INTS2: variants seen among roughly 807,000 people sequenced by gnomAD.
The protein encoded by INTS2 is integrator complex subunit 2, also known as KIAA1287.
INTS2 carries 57 observed loss-of-function variants against 139.6 expected under a neutral mutation model. That is an observed-to-expected ratio of 0.41 (90% CI 0.33 to 0.51). The LOEUF (loss-of-function observed/expected upper bound fraction) is 0.51. Ranked by LOEUF, INTS2 falls within the 20% of genes least tolerant of loss-of-function variation. The probability of loss-of-function intolerance (pLI) is 0.28; values close to 1 mark genes in which losing one functional copy is unlikely to be tolerated. For synonymous variants in INTS2, 473 were observed against 493.4 expected, an observed-to-expected ratio of 0.96 and a Z score of 0.55; for missense variants, 1,196 against 1,436.7, an observed-to-expected ratio of 0.83 and a Z score of 2.71.
In INTS2 at chr17:61,881,205, C is replaced by A. The variant is rs764154484; in HGVS notation, c.2090-34G>T. ...TTTACAGAAAATCAATTGGATTCTT[C>A]ATGCTCAAACACCAGAAGCTTCCCC... On this transcript the variant is annotated intron_variant, in intron 16 of 24. Coordinates refer to ENST00000251334, the MANE Select transcript of INTS2 (RefSeq NM_001351695.2). 6.4e-6 allele frequency: 10 copies of A among 1,551,540 alleles called. No individual in the cohort carries two copies. The South Asian group carries it at 1.2e-4, about 18-fold the overall frequency.
At chr17:61,905,591 G>A (rs1284914862) in intron 8 of INTS2, among the ~76,000 whole-genome samples, 1 of 152,194 alleles carries the variant, frequency 6.6e-6, no homozygotes, top group African/African-American at 2.4e-5. Flanking sequence ...CTCCCAGAGC[G>A]CTCGGATTAT....
Position 61,869,117 on chromosome 17 carries a change from G to C in INTS2, c.3161C>G (p.Ser1054Cys), listed in dbSNP as rs201686183. 7.1e-5 allele frequency: 114 copies of C among 1,609,528 alleles called. No individual in the cohort carries two copies. Among genetic ancestry groups the C allele is most frequent in the Non-Finnish European group, 9.4e-5 (111 of 1,176,418 alleles). The change falls in exon 23 of 25, where the codon TCT becomes TGT. Residue 1054 changes from serine (S) to cysteine (C), a missense_variant. Physicochemically the swap from Ser to Cys is moderately radical, Grantham distance 112 (BLOSUM62 -1). Coordinates refer to ENST00000251334, the MANE Select transcript of INTS2 (RefSeq NM_001351695.2). The surrounding 1 kb of genome is among the most constrained non-coding windows in gnomAD (Gnocchi z 5.4). ...TAATGCATATTGTATACACAAGTGAGAAAGCAACTGGATAGCAAATATCTG... is the reference window on the plus strand; with the variant it reads ...TAATGCATATTGTATACACAAGTGACAAAGCAACTGGATAGCAAATATCTG... Reference protein sequence around the residue: ...EKQIFAIQLLSHLCIQYALPK... With the variant: ...EKQIFAIQLLCHLCIQYALPK...
chr17:61,902,820 T>C (rs920188477), intron 9 of INTS2, among the ~76,000 whole-genome samples: 2 of 144,490 alleles, frequency 1.4e-5, no homozygotes, highest in African/African-American at 2.6e-5. Context: ...CAGTGAGCTA[T>C]GATTGTGCCA....
rs1439744983 is a variant in INTS2, at chr17:61,876,154, CA to C, written c.2457-1117del. 1.3e-5 allele frequency among the ~76,000 whole-genome samples: 2 copies of C among 152,068 alleles called. No homozygotes were observed. Among genetic ancestry groups the C allele is most frequent in the African/African-American group, 4.8e-5 (2 of 41,412 alleles). ...CTGCAGTCCAGCCTGGGTGACAAAG[CA>C]AGACCCTGTATCTAAAAAGTAAAAA... On this transcript the variant is annotated intron_variant, in intron 18 of 24. Transcript: ENST00000251334. The surrounding 1 kb of genome is among the most constrained non-coding windows in gnomAD (Gnocchi z 4.1).
chr17:61,911,464 T>A lies in INTS2; in HGVS notation c.954+56A>T, dbSNP rs560561883. Reference sequence around the variant, plus strand: ...TCATTCAAAAAATGTTTCTTTCTCTTTTAGCAGCTGCTAAAGTATTCTGAT... The same window carrying A: ...TCATTCAAAAAATGTTTCTTTCTCTATTAGCAGCTGCTAAAGTATTCTGAT... On this transcript the variant is annotated intron_variant, in intron 7 of 24. Transcript: ENST00000251334. 2.0e-5 allele frequency: 29 copies of A among 1,454,814 alleles called. No individual in the cohort carries two copies. In the Middle Eastern group the frequency reaches 5.4e-4, roughly 27 times the overall value. The allele number at this position is 1,454,814 out of a possible 1,614,324, so 90.1% of individuals were successfully genotyped here.
rs367949870 is a variant in INTS2 at position 61,897,754 on chromosome 17, C to A, written c.1308-15G>T. ...GTTCAGGTGTACTATATAAAATATACCAGAATGTCACTGGTTTAAATTAGA... is the reference window on the plus strand; with the variant it reads ...GTTCAGGTGTACTATATAAAATATAACAGAATGTCACTGGTTTAAATTAGA... On this transcript the variant is annotated splice_polypyrimidine_tract_variant and intron_variant, in intron 9 of 24. Transcript: ENST00000251334. This position sits in a 1 kb window ranked among gnomAD's most constrained non-coding sequence, Gnocchi z 4.4. 14 of 1,552,602 alleles carry A rather than the reference C, an allele frequency of 9.0e-6. No homozygotes were observed. The African/African-American group carries it at 1.6e-4, about 18-fold the overall frequency.
Position 61,873,754 on chromosome 17 carries a change from T to C in INTS2, c.2582+1159A>G, listed in dbSNP as rs942720380. Among the ~76,000 whole-genome samples, 1 of 152,162 alleles carries C rather than the reference T, an allele frequency of 6.6e-6. No homozygotes were observed. Among genetic ancestry groups the C allele is most frequent in the African/African-American group, 2.4e-5 (1 of 41,450 alleles). ...CATCCCTTGGTTGATGACAGACAAGTTTAAATATCAAGTGTGTCCTATTTA... is the reference window on the plus strand; with the variant it reads ...CATCCCTTGGTTGATGACAGACAAGCTTAAATATCAAGTGTGTCCTATTTA... On this transcript the variant is annotated intron_variant, in intron 19 of 24. Coordinates refer to ENST00000251334, the MANE Select transcript of INTS2 (RefSeq NM_001351695.2). The surrounding 1 kb of genome is among the most constrained non-coding windows in gnomAD (Gnocchi z 4.0).
chr17:61,912,146 G>T, intron 5 of INTS2, 76 bp from the exon 6 acceptor site: 2 of 1,479,190 alleles, frequency 1.4e-6, no homozygotes, highest in Non-Finnish European at 1.8e-6. Context: ...AGAAGAAAAG[G>T]ATCAGGGTAT....
chr17:61,894,930 T>C lies in INTS2; in HGVS notation c.1563+385A>G, dbSNP rs115304636. ...AAGAACATGTTAAGTATAAGAAATTTAGACTCTAGCCTGTAATCTAGTTAG... is the reference window on the plus strand; with the variant it reads ...AAGAACATGTTAAGTATAAGAAATTCAGACTCTAGCCTGTAATCTAGTTAG... On this transcript the variant is annotated intron_variant, in intron 12 of 24. Coordinates refer to ENST00000251334, the MANE Select transcript of INTS2 (RefSeq NM_001351695.2). Among the ~76,000 whole-genome samples the C allele has an allele frequency of 5.2e-3, 797 of 152,286 alleles. 5 individuals are homozygous for C. Among genetic ancestry groups the C allele is most frequent in the African/African-American group, 0.018 (752 of 41,548 alleles).
In INTS2 at chr17:61,897,819, T is replaced by G; in HGVS notation, c.1308-80A>C. 9.9e-7 allele frequency: 1 copy of G among 1,006,542 alleles called. No homozygotes were observed. Among genetic ancestry groups the G allele is most frequent in the Non-Finnish European group, 1.5e-6 (1 of 674,190 alleles). The allele number at this position is 1,006,542 out of a possible 1,614,324, so 62.4% of individuals were successfully genotyped here. On this transcript the variant is annotated intron_variant, in intron 9 of 24. Transcript: ENST00000251334. This position sits in a 1 kb window ranked among gnomAD's most constrained non-coding sequence, Gnocchi z 4.4. ...AATAAAAAGCATTCTGAAGTTATTTTTGGTAGAAATTATTTTTCCTGCCCT... is the reference window on the plus strand; with the variant it reads ...AATAAAAAGCATTCTGAAGTTATTTGTGGTAGAAATTATTTTTCCTGCCCT...
rs373477271 is a variant in INTS2, at chr17:61,896,418, T to A, written c.1495-1035A>T. Among the ~76,000 whole-genome samples the A allele has an allele frequency of 1.1e-4, 17 of 152,200 alleles. No homozygotes were observed. The South Asian group carries it at 3.5e-3, about 32-fold the overall frequency. On this transcript the variant is annotated intron_variant, in intron 11 of 24. Coordinates refer to ENST00000251334, the MANE Select transcript of INTS2 (RefSeq NM_001351695.2). The stretch of plus-strand genomic sequence containing the variant: ...TCACTGATTTAATATTACAGTAGCT[T>A]TTCAAGAAAAAAGTAGGAGTTGGAA...
chr17:61,927,716 G>A lies in INTS2; in HGVS notation c.-81C>T, dbSNP rs1216583383. The A allele has an allele frequency of 1.4e-6, 2 of 1,451,658 alleles. No homozygotes were observed. The highest frequency in any genetic ancestry group is 1.8e-6 in the Non-Finnish European group (2 of 1,104,620). The allele number at this position is 1,451,658 out of a possible 1,614,324, so 89.9% of individuals were successfully genotyped here. The stretch of plus-strand genomic sequence containing the variant: ...GGACTCCGCGTCCTAGAGGCGGGAC[G>A]CGGCAGAAATCGAGAGCGCGGTCCG... On this transcript the variant is annotated 5_prime_UTR_variant, in exon 1 of 25. Coordinates refer to ENST00000251334, the MANE Select transcript of INTS2 (RefSeq NM_001351695.2).
chr17:61,881,711 G>C (rs1324422348), intron 16 of INTS2, among the ~76,000 whole-genome samples: 2 of 152,184 alleles, frequency 1.3e-5, no homozygotes, highest in African/African-American at 4.8e-5. Flanking sequence ...CTAGAATGGA[G>C]GCCTAGGAAT....
chr17:61,924,738 A>T (rs1050977297), intron 3 of INTS2, among the ~76,000 whole-genome samples: 1 of 152,164 alleles, frequency 6.6e-6, no homozygotes, highest in African/African-American at 2.4e-5. Context: ...CTGAGGCAGG[A>T]GAACCGTTTG....
At chr17:61,922,598 T>A (rs1351641376) in intron 3 of INTS2, among the ~76,000 whole-genome samples, 1 of 139,450 alleles carries the variant, frequency 7.2e-6, no homozygotes, top group African/African-American at 2.6e-5. Context: ...AAAGTTTAGA[T>A]AACAAAATCT....
At chr17:61,920,763 A>G (rs931725559) in intron 4 of INTS2, among the ~76,000 whole-genome samples, 1 of 151,808 alleles carries the variant, frequency 6.6e-6, no homozygotes, top group Admixed American at 6.6e-5. Flanking sequence ...AGATCACACC[A>G]CTGCACTCCA....
intron 7 of INTS2, chr17:61,911,008 T>C (rs901410737): frequency 2.0e-5 from 3 of 153,808 alleles, no homozygotes; most frequent in Non-Finnish European, 2.9e-5. Context: ...TCTCATTAAA[T>C]TTTGTTTGGG....
rs760531208 is a variant in INTS2, at chr17:61,869,691, A to G, written c.3030+46T>C. The G allele has an allele frequency of 8.8e-6, 14 of 1,590,494 alleles. No homozygotes were observed. Among genetic ancestry groups the G allele is most frequent in the Non-Finnish European group, 1.2e-5 (14 of 1,165,000 alleles). ...GTTAATATAGTATTCAAAGCCCCCA[A>G]GAAAAATAAAGTTCAAACACAAAGC... On this transcript the variant is annotated intron_variant, in intron 21 of 24. Coordinates refer to ENST00000251334, the MANE Select transcript of INTS2 (RefSeq NM_001351695.2). The surrounding 1 kb of genome is among the most constrained non-coding windows in gnomAD (Gnocchi z 5.4).
intron 16 of INTS2, among the ~76,000 whole-genome samples, chr17:61,881,629 G>A (rs899809606): frequency 3.3e-5 from 5 of 152,112 alleles, no homozygotes; most frequent in African/African-American, 1.2e-4. Flanking sequence ...AGCACCACCA[G>A]CACCATAAGC....
Sources: allele counts gnomAD v4.1 joint callset (sites outside exome capture counted in the v4.1 genomes callset), GRCh38; gene constraint gnomAD v4.1.1; non-coding constraint Gnocchi (gnomAD v3.1); transcripts MANE v1.5; gene names NCBI Gene and HGNC (gene_info 2026-07-23, HGNC 2026-07-21).